The following PTCD2 variants were observed in gnomAD, a reference collection of about 807,000 sequenced individuals.
The protein encoded by PTCD2 is pentatricopeptide repeat domain 2, also known as pentatricopeptide repeat-containing protein 2, mitochondrial.
PTCD2 carries 31 observed loss-of-function variants against 42.6 expected under a neutral mutation model. The observed-to-expected ratio is 0.73, with a 90% confidence interval of 0.55 to 0.98. The LOEUF is 0.98. Among genes scored for constraint, PTCD2 ranks in the 50% least tolerant of loss-of-function variants. PTCD2 has a pLI of 0.00. For synonymous variants in PTCD2, 183 were observed against 170.9 expected (o/e 1.07, Z -0.55); for missense variants, 476 against 454.8 (o/e 1.05, Z -0.42).
intron 2 of PTCD2, among the ~76,000 whole-genome samples, chr5:72,324,417 G>A (rs1412256133): frequency 6.6e-6 from 1 of 152,068 alleles, no homozygotes; most frequent in Non-Finnish European, 1.5e-5. Context: ...CCCTTTCTAG[G>A]ACGGTTTCTG....
At chr5:72,353,651 A>G (rs568297307) in intron 9 of PTCD2, among the ~76,000 whole-genome samples, 18 of 152,322 alleles carry the variant, frequency 1.2e-4, no homozygotes, top group African/African-American at 4.3e-4. Flanking sequence ...TTAGGACATG[A>G]ATAGGGCAGC....
chr5:72,322,388 T>G, intron 2 of PTCD2, 124 bp downstream of exon 2: 1 of 673,494 alleles, frequency 1.5e-6, no homozygotes, highest in South Asian at 1.6e-5. Flanking sequence ...GACCATTTAT[T>G]GTTAGTTTCA....
At chr5:72,345,662 A>T (rs559600916) in intron 8 of PTCD2, among the ~76,000 whole-genome samples, 1 of 152,240 alleles carries the variant, frequency 6.6e-6, no homozygotes, top group Non-Finnish European at 1.5e-5. Flanking sequence ...TTCTTCTGCC[A>T]TGGCTTCAGC....
At chr5:72,337,152 C>G (rs1000264410) in intron 6 of PTCD2, among the ~76,000 whole-genome samples, 5 of 152,080 alleles carry the variant, frequency 3.3e-5, no homozygotes, top group African/African-American at 1.2e-4. Context: ...TGGGAGTCAG[C>G]AAACTTTTTT....
intron 8 of PTCD2, 130 bp downstream of exon 8, chr5:72,343,166 A>G: frequency 2.3e-6 from 1 of 436,342 alleles, no homozygotes; most frequent in Non-Finnish European, 3.9e-6. Context: ...ATTCAAATCA[A>G]TAGTCATTTA....
chr5:72,323,988 T>C (rs1416918336), intron 2 of PTCD2, among the ~76,000 whole-genome samples: 3 of 152,160 alleles, frequency 2.0e-5, no homozygotes, highest in Non-Finnish European at 4.4e-5. Context: ...GAAATCAATG[T>C]TCTCTCGCTG....
At chr5:72,335,673 G>A in intron 5 of PTCD2, 121 bp from the exon 6 acceptor site, 2 of 526,904 alleles carry the variant, frequency 3.8e-6, no homozygotes, top group Non-Finnish European at 6.8e-6. Context: ...AAATGACTTT[G>A]AGGAATAGCT....
At position 72,358,675 on chromosome 5, in the gene PTCD2, A is replaced by G; in HGVS notation, c.*248A>G. The G allele has an allele frequency of 1.9e-6, 1 of 525,894 alleles. No homozygotes were observed. Among genetic ancestry groups the G allele is most frequent in the Non-Finnish European group, 3.4e-6 (1 of 291,816 alleles). 32.6% of individuals were successfully genotyped at this position (525,894 alleles called of 1,614,324 possible). The stretch of plus-strand genomic sequence containing the variant: ...CCTTTTGCATGGCTGAGGATCCTTG[A>G]AGGAACCTGGTCAGTCTCCGGTTCA... On this transcript the variant is annotated 3_prime_UTR_variant, in exon 10 of 10. Transcript: ENST00000380639.
intron 3 of PTCD2, among the ~76,000 whole-genome samples, chr5:72,327,284 C>T (rs933755806): frequency 6.6e-6 from 1 of 152,140 alleles, no homozygotes; most frequent in Non-Finnish European, 1.5e-5. Flanking sequence ...TTTCCCTCCT[C>T]CAGTCCTGCT....
chr5:72,322,629 A>G (rs923968163), intron 2 of PTCD2, among the ~76,000 whole-genome samples: 2 of 152,246 alleles, frequency 1.3e-5, no homozygotes, highest in Admixed American at 6.5e-5. Flanking sequence ...CATATGCACA[A>G]TAAAGTTTAA....
chr5:72,326,870 G>A (rs1192252443), intron 3 of PTCD2, 129 bp downstream of exon 3: 1 of 896,208 alleles, frequency 1.1e-6, no homozygotes, highest in East Asian at 2.5e-5. Context: ...TTGTTCGGAT[G>A]CCTACCTTGA....
Position 72,352,707 on chromosome 5 carries a change from G to A in PTCD2, c.895G>A (p.Gly299Arg), listed in dbSNP as rs1752680421. The A allele has an allele frequency of 6.2e-7, 1 of 1,604,492 alleles. No individual in the cohort carries two copies. The highest frequency in any genetic ancestry group is 1.3e-5 in the African/African-American group (1 of 74,596). ...AAAGACTCTAAAAAATGCTGCAGAA[G>A]GAAATTTATCAAAATTTGTGAAAAG... ...LIKTLKNAAE[G>R]NLSKFVKRHV... The change falls in exon 9 of 10, where the codon GGA (glycine) becomes AGA (arginine). Residue 299 changes from glycine to arginine, a missense_variant. Transcript: ENST00000380639.
At position 72,365,882 on chromosome 5, in the gene PTCD2, A is replaced by G. The variant is rs963803369; in HGVS notation, c.*7455A>G. The G allele has an allele frequency of 2.0e-5, 3 of 152,228 alleles. No individual in the cohort carries two copies. The highest frequency in any genetic ancestry group is 7.2e-5 in the African/African-American group (3 of 41,460). The allele number at this position is 152,228 out of a possible 1,614,324, so 9.4% of individuals were successfully genotyped here. A position where few individuals can be genotyped will look rare whatever the true frequency, so the allele number is the denominator to read the frequency against. ...CGGGGCTTATAAAAAGCCAGGGTTC[A>G]TAAAATTACAAAGATTATAGACAAA... On this transcript the variant is annotated 3_prime_UTR_variant, in exon 10 of 10. Coordinates refer to ENST00000380639, the MANE Select transcript of PTCD2 (RefSeq NM_024754.5).
chr5:72,328,161 T>G (rs1580144626), intron 3 of PTCD2, among the ~76,000 whole-genome samples: 1 of 152,212 alleles, frequency 6.6e-6, no homozygotes, highest in Non-Finnish European at 1.5e-5. Context: ...AACTATTTAT[T>G]ATTTCTCATA....
At chr5:72,354,609 CTTGG>C (rs1406725031) in intron 9 of PTCD2, among the ~76,000 whole-genome samples, 1 of 152,142 alleles carries the variant, frequency 6.6e-6, no homozygotes, top group African/African-American at 2.4e-5. Context: ...TGCCAGCCAA[CTTGG>C]TTGGTGAGGC....
chr5:72,330,955 T>C (rs1341727790), intron 3 of PTCD2, among the ~76,000 whole-genome samples: 4 of 152,234 alleles, frequency 2.6e-5, no homozygotes, highest in Non-Finnish European at 5.9e-5. Context: ...TCTTAAGGTG[T>C]GCTCACACTC....
intron 4 of PTCD2, among the ~76,000 whole-genome samples, chr5:72,333,082 G>T (rs966432805): frequency 2.6e-5 from 4 of 151,996 alleles, no homozygotes; most frequent in African/African-American, 9.7e-5. Flanking sequence ...CCATTGGCTG[G>T]GGCTGCTCTG....
Position 72,352,773 on chromosome 5 carries a change from C to G in PTCD2, c.942+19C>G, listed in dbSNP as rs1193207088. ...GGAAGTGGTGAGTATGCAAGTGCTG[C>G]AGAAATCATTTAAAAGTGAAAGGAC... On this transcript the variant is annotated intron_variant, in intron 9 of 9. Coordinates refer to ENST00000380639, the MANE Select transcript of PTCD2 (RefSeq NM_024754.5). 1 of 1,208,050 alleles carries G rather than the reference C, an allele frequency of 8.3e-7. No individual in the cohort carries two copies. The highest frequency in any genetic ancestry group is 1.2e-5 in the South Asian group (1 of 80,212). 74.8% of individuals were successfully genotyped at this position (1,208,050 alleles called of 1,614,324 possible). A position where few individuals can be genotyped will look rare whatever the true frequency, so the allele number is the denominator to read the frequency against.
At chr5:72,349,853 C>T (rs1016839379) in intron 8 of PTCD2, among the ~76,000 whole-genome samples, 1 of 152,114 alleles carries the variant, frequency 6.6e-6, no homozygotes, top group Admixed American at 6.6e-5. Flanking sequence ...TGTGCATTGC[C>T]CTTCATCAGT....
Sources: gnomAD v4.1 joint callset for allele counts (sites outside exome capture counted in the v4.1 genomes callset) on GRCh38, gnomAD v4.1.1 for gene constraint, MANE v1.5 for transcripts, NCBI Gene and HGNC (gene_info 2026-07-23, HGNC 2026-07-21) for gene names.